The following ITGB5 variants were observed in gnomAD, a reference collection of about 807,000 sequenced individuals.
ITGB5 encodes the protein integrin beta-5.
ITGB5 carries 38 observed loss-of-function variants against 84.8 expected under a neutral mutation model. The ratio of observed to expected loss-of-function variants is 0.45; its 90% CI spans 0.35 to 0.59. ITGB5 has a LOEUF of 0.59. ITGB5 is among the 20% of genes least tolerant of loss of function. The pLI, the probability that ITGB5 is intolerant of heterozygous loss-of-function variation, is 0.01. For synonymous variants in ITGB5, 393 were observed against 414.4 expected (o/e 0.95, Z 0.63); for missense variants, 905 against 1,034.5 (o/e 0.87, Z 1.72).
intron 5 of ITGB5, among the ~76,000 whole-genome samples, chr3:124,831,302 G>A (rs2064857037): frequency 6.6e-6 from 1 of 152,148 alleles, no homozygotes; most frequent in African/African-American, 2.4e-5. Context: ...GAGGAACTAG[G>A]CTGGAAAAGT....
At chr3:124,835,521 G>A (rs1185843031) in intron 5 of ITGB5, among the ~76,000 whole-genome samples, 1 of 152,228 alleles carries the variant, frequency 6.6e-6, no homozygotes, top group East Asian at 1.9e-4. Context: ...CACAGGAAGA[G>A]CAGGCAGCCT....
intron 10 of ITGB5, among the ~76,000 whole-genome samples, chr3:124,784,582 C>A (rs2064053637): frequency 6.6e-6 from 1 of 152,204 alleles, no homozygotes; most frequent in African/African-American, 2.4e-5. Context: ...GGAAGATGGA[C>A]AAATCCTGTG....
intron 5 of ITGB5, among the ~76,000 whole-genome samples, chr3:124,835,805 A>G (rs923126499): frequency 2.0e-5 from 3 of 152,258 alleles, no homozygotes; most frequent in African/African-American, 7.2e-5. Context: ...TCAATTCTGC[A>G]GGAACTGGGA....
chr3:124,824,885 CA>C (rs1366890924), intron 5 of ITGB5, among the ~76,000 whole-genome samples: 1 of 152,182 alleles, frequency 6.6e-6, no homozygotes, highest in Non-Finnish European at 1.5e-5. Context: ...CAAACTCTGA[CA>C]GTATCAAGTG....
chr3:124,865,015 T>G (rs546044899), intron 2 of ITGB5, among the ~76,000 whole-genome samples: 1 of 152,318 alleles, frequency 6.6e-6, no homozygotes, highest in African/African-American at 2.4e-5. Flanking sequence ...CCAGTGCTCT[T>G]TGCAGCATGT....
At chr3:124,874,403 AT>A (rs1452017736) in intron 1 of ITGB5, among the ~76,000 whole-genome samples, 1 of 152,070 alleles carries the variant, frequency 6.6e-6, no homozygotes, top group Non-Finnish European at 1.5e-5. Flanking sequence ...AAGAATTAAT[AT>A]TGTCAAAATG....
intron 11 of ITGB5, among the ~76,000 whole-genome samples, chr3:124,770,962 G>A (rs527659629): frequency 1.8e-4 from 24 of 135,200 alleles, no homozygotes; most frequent in South Asian, 5.1e-4. Flanking sequence ...TTTCTCTCCC[G>A]GCCAGGATTC....
rs1191224795 is a variant in ITGB5, at chr3:124,769,080, C to T, written c.1950G>A (p.Gly650=). The T allele has an allele frequency of 2.5e-6, 4 of 1,613,858 alleles. No homozygotes were observed. The highest frequency in any genetic ancestry group is 2.2e-5 in the East Asian group (1 of 44,886). Residue 650 remains glycine, a synonymous_variant, in exon 12 of 15, where the codon GGG becomes GGA. Transcript: ENST00000296181. The part of the protein sequence containing the change: ...DCVECLLLHS[G]KPDNQTCHSL... Reference sequence around the variant, plus strand: ...TGTGGCAGGTCTGGTTGTCAGGTTTCCCAGAGTGGAGCAGCAGGCACTCGA... The same window carrying T: ...TGTGGCAGGTCTGGTTGTCAGGTTTTCCAGAGTGGAGCAGCAGGCACTCGA...
At chr3:124,853,402 A>AC (rs59430859) in intron 3 of ITGB5, among the ~76,000 whole-genome samples, 3,342 of 152,188 alleles carry the variant, frequency 0.022, 145 homozygotes, top group African/African-American at 0.076. Flanking sequence ...GCTGTACTGC[A>AC]CCCCCTCTCC....
chr3:124,768,916 GAAGC>G, intron 12 of ITGB5, 93 bp downstream of exon 12: 1 of 861,666 alleles, frequency 1.2e-6, no homozygotes, highest in Non-Finnish European at 1.9e-6. Context: ...TTATGCCCAG[GAAGC>G]CTGGGCAGTG....
At chr3:124,856,536 T>C (rs1019105025) in intron 3 of ITGB5, among the ~76,000 whole-genome samples, 3 of 152,206 alleles carry the variant, frequency 2.0e-5, no homozygotes, top group African/African-American at 4.8e-5. Flanking sequence ...TTTTCAAAGA[T>C]TATTGAATGA....
intron 1 of ITGB5, among the ~76,000 whole-genome samples, chr3:124,885,178 GA>G (rs771587116): frequency 6.6e-6 from 1 of 152,106 alleles, no homozygotes; most frequent in Non-Finnish European, 1.5e-5. Flanking sequence ...GCTAAGCCAG[GA>G]GAATTGCTTG....
At chr3:124,830,032 G>A (rs184141829) in intron 5 of ITGB5, among the ~76,000 whole-genome samples, 4 of 152,280 alleles carry the variant, frequency 2.6e-5, no homozygotes, top group South Asian at 2.1e-4. Context: ...AGACAGACTC[G>A]CTGGCTTGTT....
chr3:124,855,324 T>C (rs537409381), intron 3 of ITGB5, among the ~76,000 whole-genome samples: 1 of 151,994 alleles, frequency 6.6e-6, no homozygotes, highest in African/African-American at 2.4e-5. Flanking sequence ...TATATATAGA[T>C]AGATATATGA....
chr3:124,775,313 A>T (rs527306555), intron 10 of ITGB5, among the ~76,000 whole-genome samples: 1 of 151,376 alleles, frequency 6.6e-6, no homozygotes, highest in African/African-American at 2.4e-5. Flanking sequence ...AGTGTGTACA[A>T]GTGTGAGTGT....
upstream of ITGB5, among the ~76,000 whole-genome samples, chr3:124,888,155 A>T (rs1284378858): frequency 6.6e-6 from 1 of 151,988 alleles, no homozygotes; most frequent in African/African-American, 2.4e-5. Context: ...GGGCTCAAGC[A>T]TTCCTCCTGT....
chr3:124,783,290 CAAAA>C (rs758967509), intron 10 of ITGB5, among the ~76,000 whole-genome samples: 4 of 56,986 alleles, frequency 7.0e-5, no homozygotes, highest in East Asian at 5.0e-4. Flanking sequence ...GACTCCGTCT[CAAAA>C]AAAAAAAAAA....
chr3:124,875,741 T>C (rs1579330166), intron 1 of ITGB5, among the ~76,000 whole-genome samples: 1 of 152,228 alleles, frequency 6.6e-6, no homozygotes, highest in African/African-American at 2.4e-5. Flanking sequence ...AGCCAAGATA[T>C]GCAATCAACA....
chr3:124,900,114 A>C (rs967463536), intron 1 of ITGB5, among the ~76,000 whole-genome samples: 2 of 152,136 alleles, frequency 1.3e-5, no homozygotes, highest in Non-Finnish European at 2.9e-5. Context: ...TCAGCTTCAA[A>C]TATATGTCAC....
Sources: gnomAD v4.1 joint callset for allele counts (sites outside exome capture counted in the v4.1 genomes callset) on GRCh38, gnomAD v4.1.1 for gene constraint, MANE v1.5 for transcripts, NCBI Gene and HGNC (gene_info 2026-07-23, HGNC 2026-07-21) for gene names.